SLC9A9: variants seen among roughly 807,000 people sequenced by gnomAD.
SLC9A9 encodes the protein sodium/hydrogen exchanger 9.
In SLC9A9, 62 loss-of-function variants were observed where a neutral mutation model predicts 77.8. The observed-to-expected ratio is 0.80, with a 90% CI of 0.65 to 0.98. SLC9A9 has a LOEUF of 0.98. SLC9A9 is among the 50% of genes least tolerant of loss of function. SLC9A9 has a pLI of 0.00. For synonymous variants in SLC9A9, 320 were observed against 283.5 expected (o/e 1.13, Z -1.29); for missense variants, 775 against 774.9 (o/e 1.00, Z 0.00).
intron 5 of SLC9A9, among the ~76,000 whole-genome samples, chr3:143,666,071 T>C (rs76699409): frequency 6.6e-6 from 1 of 152,162 alleles, no homozygotes; most frequent in African/African-American, 2.4e-5. Context: ...TGAACATTGA[T>C]GCAAAAATCC....
chr3:143,829,176 C>T (rs902205703), intron 2 of SLC9A9, among the ~76,000 whole-genome samples: 8 of 152,104 alleles, frequency 5.3e-5, no homozygotes, highest in Non-Finnish European at 8.8e-5. Context: ...TTAGGTGATA[C>T]GTATATGCAG....
chr3:143,470,480 CAA>C (rs11312589), intron 11 of SLC9A9, among the ~76,000 whole-genome samples: 28 of 135,850 alleles, frequency 2.1e-4, no homozygotes, highest in African/African-American at 3.2e-4. Flanking sequence ...AATTCTGGCT[CAA>C]AAAAAAAAAA....
chr3:143,311,677 C>T (rs899365448), intron 14 of SLC9A9, among the ~76,000 whole-genome samples: 6 of 152,102 alleles, frequency 3.9e-5, no homozygotes, highest in African/African-American at 1.4e-4. Context: ...ATTGTGAAAA[C>T]GTCTCTCCTC....
intron 9 of SLC9A9, among the ~76,000 whole-genome samples, chr3:143,523,254 C>G (rs1453619964): frequency 2.6e-5 from 4 of 152,056 alleles, no homozygotes; most frequent in Non-Finnish European, 5.9e-5. Flanking sequence ...CAATGCTTAG[C>G]TTTGCTTTCA....
intron 14 of SLC9A9, among the ~76,000 whole-genome samples, chr3:143,272,637 G>A (rs1405627698): frequency 6.6e-6 from 1 of 152,084 alleles, no homozygotes; most frequent in Non-Finnish European, 1.5e-5. Context: ...GATCTCCAGG[G>A]TTACCTGAAT....
intron 12 of SLC9A9, among the ~76,000 whole-genome samples, chr3:143,406,371 T>G (rs778061264): frequency 2.6e-5 from 4 of 152,216 alleles, no homozygotes; most frequent in Non-Finnish European, 4.4e-5. Context: ...TAAGATTTTA[T>G]TTTTCCTGTA....
intron 4 of SLC9A9, among the ~76,000 whole-genome samples, chr3:143,777,850 G>A (rs977979089): frequency 6.6e-6 from 1 of 151,134 alleles, no homozygotes; most frequent in African/African-American, 2.4e-5. Context: ...AAATACCTGG[G>A]ATTACAGGCA....
intron 4 of SLC9A9, among the ~76,000 whole-genome samples, chr3:143,725,137 T>C (rs73152900): frequency 0.043 from 6,611 of 152,292 alleles, 183 homozygotes; most frequent in Middle Eastern, 0.058. Context: ...ATTTAAAGGC[T>C]TTGAAGACAG....
intron 6 of SLC9A9, among the ~76,000 whole-genome samples, chr3:143,600,259 T>G (rs952836257): frequency 6.6e-6 from 1 of 152,172 alleles, no homozygotes; most frequent in Non-Finnish European, 1.5e-5. Context: ...AACTCCCACC[T>G]ATGAGTGAGA....
At chr3:143,737,396 A>G (rs965341662) in intron 4 of SLC9A9, among the ~76,000 whole-genome samples, 1 of 152,074 alleles carries the variant, frequency 6.6e-6, no homozygotes, top group Non-Finnish European at 1.5e-5. Flanking sequence ...AGGTAGAATA[A>G]TTAAGATTGA....
At chr3:143,527,741 A>G (rs547323014) in intron 9 of SLC9A9, among the ~76,000 whole-genome samples, 2 of 152,250 alleles carry the variant, frequency 1.3e-5, no homozygotes, top group African/African-American at 4.8e-5. Flanking sequence ...ATCCCTCCCA[A>G]TGTTTAACCC....
chr3:143,515,226 C>T (rs1449939297), intron 9 of SLC9A9, among the ~76,000 whole-genome samples: 2 of 151,950 alleles, frequency 1.3e-5, no homozygotes, highest in East Asian at 1.9e-4. Flanking sequence ...TTCATAATGC[C>T]CCTAAATAAT....
At chr3:143,328,052 T>C (rs2031654260) in intron 14 of SLC9A9, among the ~76,000 whole-genome samples, 2 of 152,354 alleles carry the variant, frequency 1.3e-5, no homozygotes, top group South Asian at 4.1e-4. Context: ...ATTTGTTTGA[T>C]AAAGAATAGA....
intron 8 of SLC9A9, among the ~76,000 whole-genome samples, chr3:143,566,966 C>T (rs1321505356): frequency 6.6e-6 from 1 of 152,108 alleles, no homozygotes; most frequent in Non-Finnish European, 1.5e-5. Flanking sequence ...TGACAGGATT[C>T]AATTCCATTG....
At chr3:143,488,493 T>G (rs747913738) in intron 11 of SLC9A9, among the ~76,000 whole-genome samples, 2 of 151,802 alleles carry the variant, frequency 1.3e-5, no homozygotes, top group Non-Finnish European at 2.9e-5. Flanking sequence ...AATGCAAAAT[T>G]CTCAACAAAA....
intron 4 of SLC9A9, among the ~76,000 whole-genome samples, chr3:143,724,892 T>C (rs1275853281): frequency 1.3e-5 from 2 of 152,042 alleles, no homozygotes; most frequent in African/African-American, 4.8e-5. Context: ...CAGGAGAGCC[T>C]TTCAGTGTCA....
chr3:143,825,625 A>C (rs2009277269), intron 2 of SLC9A9, among the ~76,000 whole-genome samples: 1 of 152,230 alleles, frequency 6.6e-6, no homozygotes, highest in Admixed American at 6.5e-5. Flanking sequence ...TATTGAAAGA[A>C]TAGAAAGGAC....
rs182977097 is a variant in SLC9A9 at position 143,433,546 on chromosome 3, C to A, written c.1469+33491G>T. On this transcript the variant is annotated intron_variant, in intron 12 of 15. Transcript: ENST00000316549. ...ATTTAGTGTTCAATTTCACACTGTC[C>A]CTTGATTTATAGCATTTGCCAGATT... is the stretch of plus-strand genomic sequence containing the variant. Among the ~76,000 whole-genome samples, 27 of 152,086 alleles carry A rather than the reference C, an allele frequency of 1.8e-4. 1 individual carries two copies. Among genetic ancestry groups the A allele is most frequent in the Admixed American group, 1.5e-3 (23 of 15,288 alleles).
intron 5 of SLC9A9, among the ~76,000 whole-genome samples, chr3:143,686,678 C>A (rs573686130): frequency 6.6e-6 from 1 of 152,256 alleles, no homozygotes; most frequent in South Asian, 2.1e-4. Flanking sequence ...AGATTTCCAA[C>A]TTGTTAATCA....
Sources: gnomAD v4.1 joint callset for allele counts (sites outside exome capture counted in the v4.1 genomes callset) on GRCh38, gnomAD v4.1.1 for gene constraint, MANE v1.5 for transcripts, NCBI Gene and HGNC (gene_info 2026-07-23, HGNC 2026-07-21) for gene names.